Variants in TUBGCP3 observed in about 807,000 individuals in gnomAD.
The protein encoded by TUBGCP3 is gamma-tubulin complex component 3.
A neutral mutation model predicts 123.1 loss-of-function variants in TUBGCP3; 50 were observed. The ratio of observed to expected loss-of-function variants is 0.41; its 90% CI spans 0.32 to 0.51. TUBGCP3 has a LOEUF of 0.51. TUBGCP3 is among the 20% of genes least tolerant of loss of function. TUBGCP3 has a pLI of 0.36. For synonymous variants in TUBGCP3, 405 were observed against 413.9 expected, an observed-to-expected ratio of 0.98 and a Z score of 0.26; for missense variants, 882 against 1,127.0, an observed-to-expected ratio of 0.78 and a Z score of 3.11.
chr13:112,531,760 C>T (rs1430676802), intron 11 of TUBGCP3, among the ~76,000 whole-genome samples: 1 of 152,052 alleles, frequency 6.6e-6, no homozygotes, highest in Non-Finnish European at 1.5e-5. Flanking sequence ...AGCAAGCACA[C>T]AGCTTGGGTA....
chr13:112,601,464 G>A, the TUBGCP3 span, among the ~76,000 whole-genome samples: 3 of 152,192 alleles, frequency 2.0e-5, no homozygotes, highest in Non-Finnish European at 2.9e-5. Context: ...CGTTAACAGC[G>A]CTTCACAGTT....
intron 13 of TUBGCP3, among the ~76,000 whole-genome samples, chr13:112,523,132 T>C (rs547234812): frequency 1.3e-5 from 2 of 152,348 alleles, no homozygotes; most frequent in Admixed American, 6.5e-5. Context: ...CTGATTTACA[T>C]CTGCAAAGCA....
chr13:112,559,287 G>T (rs753052919), intron 4 of TUBGCP3, 35 bp downstream of exon 4: 1 of 1,574,768 alleles, frequency 6.4e-7, no homozygotes, highest in Admixed American at 1.9e-5. Flanking sequence ...AGGGTGTCCC[G>T]ACGGACACGA....
intron 2 of TUBGCP3, among the ~76,000 whole-genome samples, chr13:112,567,811 T>G (rs532139087): frequency 1.3e-5 from 2 of 152,342 alleles, no homozygotes; most frequent in South Asian, 4.1e-4. Context: ...CCACAGACCA[T>G]GGGCCAAACA....
the TUBGCP3 span, among the ~76,000 whole-genome samples, chr13:112,600,758 G>A: frequency 6.6e-6 from 1 of 151,994 alleles, no homozygotes; most frequent in Non-Finnish European, 1.5e-5. Context: ...GCCACTACTC[G>A]CCTCTTCTCC....
intron 3 of TUBGCP3, among the ~76,000 whole-genome samples, chr13:112,561,254 T>A (rs1356680066): frequency 6.6e-6 from 1 of 151,922 alleles, no homozygotes; most frequent in Non-Finnish European, 1.5e-5. Context: ...CCCCGGTGAG[T>A]CCCTGCAAGC....
At position 112,588,049 on chromosome 13, in the gene TUBGCP3, G is replaced by GCCCGCGC. The variant is rs1407218740; in HGVS notation, c.-76_-70dup. The GCCCGCGC allele has an allele frequency of 4.6e-6, 6 of 1,291,084 alleles. No homozygotes were observed. The highest frequency in any genetic ancestry group is 6.1e-6 in the Non-Finnish European group (6 of 991,100). 80.0% of individuals were successfully genotyped at this position (1,291,084 alleles called of 1,614,324 possible). On this transcript the variant is annotated 5_prime_UTR_variant, in exon 1 of 22. Coordinates refer to ENST00000261965, the MANE Select transcript of TUBGCP3 (RefSeq NM_006322.6). ...TGCCGCCGCACGCGCAGGGACCGCG[G>GCCCGCGC]CCCGCGCCCTTCCTGCGCCCCGCAA...
intron 21 of TUBGCP3, among the ~76,000 whole-genome samples, chr13:112,486,687 G>A (rs1015807548): frequency 1.3e-5 from 2 of 152,220 alleles, no homozygotes; most frequent in Non-Finnish European, 2.9e-5. Flanking sequence ...TACTGAGGGC[G>A]TTTTTAAAGA....
intron 1 of TUBGCP3, among the ~76,000 whole-genome samples, chr13:112,570,175 G>A (rs937635091): frequency 1.5e-4 from 23 of 150,228 alleles, no homozygotes; most frequent in African/African-American, 5.6e-4. Flanking sequence ...GGGTGGCCCC[G>A]GTCACTAAGT....
intron 21 of TUBGCP3, among the ~76,000 whole-genome samples, chr13:112,489,237 G>A (rs11840656): frequency 9.3e-5 from 9 of 96,996 alleles, no homozygotes; most frequent in African/African-American, 2.6e-4. Flanking sequence ...CAGGGGCCAC[G>A]CCCAGGTCCC....
chr13:112,556,227 A>G lies in TUBGCP3; in HGVS notation c.549-3T>C, dbSNP rs751333965. On this transcript the variant is annotated splice_region_variant and splice_polypyrimidine_tract_variant and intron_variant, in intron 5 of 21. Transcript: ENST00000261965. ...CTCCTGGAGCTTGATTAGACTGTCT[A>G]AAAAAAGAAACATGTATTATCTTCT... The G allele has an allele frequency of 1.2e-6, 2 of 1,608,484 alleles. No homozygotes were observed. Among genetic ancestry groups the G allele is most frequent in the Admixed American group, 1.7e-5 (1 of 59,554 alleles).
intron 20 of TUBGCP3, among the ~76,000 whole-genome samples, chr13:112,490,155 G>C (rs1365180069): frequency 6.6e-6 from 1 of 152,124 alleles, no homozygotes; most frequent in East Asian, 1.9e-4. Flanking sequence ...TGTACTTTTT[G>C]GTACTGGAGA....
intron 1 of TUBGCP3, among the ~76,000 whole-genome samples, chr13:112,573,644 G>A (rs772690307): frequency 4.6e-5 from 7 of 152,218 alleles, no homozygotes; most frequent in African/African-American, 1.4e-4. Flanking sequence ...GCAAAAGAAC[G>A]TCAAGGGTCA....
rs1876915260 is a variant in TUBGCP3 at position 112,524,806 on chromosome 13, C to T, written c.1555+2136G>A. Among the ~76,000 whole-genome samples, 1 of 152,134 alleles carries T rather than the reference C, an allele frequency of 6.6e-6. No individual in the cohort carries two copies. Among genetic ancestry groups the T allele is most frequent in the Non-Finnish European group, 1.5e-5 (1 of 68,036 alleles). On this transcript the variant is annotated intron_variant, in intron 13 of 21. Transcript: ENST00000261965. This position sits in a 1 kb window ranked among gnomAD's most constrained non-coding sequence, Gnocchi z 4.4. ...TGCTTCCAAAATCTCTATATTCGGCCCTGACTTTTAACCAGAGTTTCAGTA... is the reference window on the plus strand; with the variant it reads ...TGCTTCCAAAATCTCTATATTCGGCTCTGACTTTTAACCAGAGTTTCAGTA...
chr13:112,487,635 T>C (rs928272649), intron 21 of TUBGCP3, among the ~76,000 whole-genome samples: 60 of 152,174 alleles, frequency 3.9e-4, no homozygotes, highest in Non-Finnish European at 6.6e-4. Flanking sequence ...GAATACATAC[T>C]GTACAAATAA....
intron 1 of TUBGCP3, among the ~76,000 whole-genome samples, chr13:112,577,387 G>C (rs529345201): frequency 6.6e-6 from 1 of 152,112 alleles, no homozygotes; most frequent in African/African-American, 2.4e-5. Context: ...AAAATATGTA[G>C]CCCCAGTCTA....
chr13:112,522,276 G>A (rs1375522074), intron 14 of TUBGCP3, 44 bp downstream of exon 14: 1 of 1,380,666 alleles, frequency 7.2e-7, no homozygotes, highest in African/African-American at 1.4e-5. Context: ...TCCTTATCAT[G>A]TCAAATATAT....
At chr13:112,520,598 T>A (rs1876539103) in intron 14 of TUBGCP3, among the ~76,000 whole-genome samples, 1 of 152,190 alleles carries the variant, frequency 6.6e-6, no homozygotes, top group Non-Finnish European at 1.5e-5. Flanking sequence ...GTGCTATACA[T>A]GTTAACAAAG....
At chr13:112,496,894 G>A (rs899661184) in intron 20 of TUBGCP3, among the ~76,000 whole-genome samples, 1 of 151,854 alleles carries the variant, frequency 6.6e-6, no homozygotes, top group African/African-American at 2.4e-5. Context: ...GCTGAGGCAG[G>A]AGAATGGCGT....
Sources: gnomAD v4.1 joint callset for allele counts (sites outside exome capture counted in the v4.1 genomes callset) on GRCh38, gnomAD v4.1.1 for gene constraint, Gnocchi (gnomAD v3.1) non-coding constraint, MANE v1.5 for transcripts, NCBI Gene and HGNC (gene_info 2026-07-23, HGNC 2026-07-21) for gene names.